The following PTPRR variants were observed in gnomAD, a reference collection of about 807,000 sequenced individuals.
PTPRR encodes the protein protein tyrosine phosphatase receptor type R.
PTPRR carries 38 observed loss-of-function variants against 77.2 expected under a neutral mutation model. The ratio of observed to expected loss-of-function variants is 0.49; its 90% CI spans 0.38 to 0.65. The LOEUF (loss-of-function observed/expected upper bound fraction) is 0.65, where lower values mean the gene tolerates loss of function less well. PTPRR is among the 30% of genes least tolerant of loss of function. The probability of loss-of-function intolerance (pLI) is 0.00; values close to 1 mark genes in which losing one functional copy is unlikely to be tolerated. For missense variants in PTPRR, 744 were observed against 799.2 expected (o/e 0.93, Z 0.83); for synonymous variants, 299 against 283.1 (o/e 1.06, Z -0.57).
At chr12:70,752,557 G>A (rs1890435442) in intron 5 of PTPRR, among the ~76,000 whole-genome samples, 1 of 152,158 alleles carries the variant, frequency 6.6e-6, no homozygotes, top group South Asian at 2.1e-4. Flanking sequence ...TATGTTAATA[G>A]CAAGCTCTGC....
At chr12:70,751,883 G>C (rs1423861641) in intron 5 of PTPRR, among the ~76,000 whole-genome samples, 1 of 150,568 alleles carries the variant, frequency 6.6e-6, no homozygotes, top group Admixed American at 6.6e-5. Flanking sequence ...GTGTAGATTA[G>C]AGCTCATTCT....
intron 1 of PTPRR, among the ~76,000 whole-genome samples, chr12:70,908,675 G>A (rs1028440758): frequency 6.6e-6 from 1 of 152,150 alleles, no homozygotes; most frequent in Non-Finnish European, 1.5e-5. Context: ...CCGTATCAAT[G>A]GGGAAAGAGG....
In PTPRR at chr12:70,688,553, G is replaced by C. The variant is rs1018874243; in HGVS notation, c.1280-3770C>G. Among the ~76,000 whole-genome samples the C allele has an allele frequency of 2.5e-4, 38 of 152,136 alleles. 1 individual carries two copies. The highest frequency in any genetic ancestry group is 2.4e-3 in the Admixed American group (37 of 15,258). Reference sequence around the variant, plus strand: ...AAAGATAAAAGATAAATGTTGGCAAGGTTGTGAAGAAAAGGGAGCTCTGGT... The same window carrying C: ...AAAGATAAAAGATAAATGTTGGCAACGTTGTGAAGAAAAGGGAGCTCTGGT... On this transcript the variant is annotated intron_variant, in intron 8 of 13. Transcript: ENST00000283228.
At chr12:70,702,065 T>C (rs1354675910) in intron 6 of PTPRR, among the ~76,000 whole-genome samples, 1 of 152,148 alleles carries the variant, frequency 6.6e-6, no homozygotes, top group Non-Finnish European at 1.5e-5. Context: ...ATATGTGAAT[T>C]GACACACGAA....
At chr12:70,668,686 A>G (rs1887102901) in intron 10 of PTPRR, among the ~76,000 whole-genome samples, 1 of 152,214 alleles carries the variant, frequency 6.6e-6, no homozygotes, top group Non-Finnish European at 1.5e-5. Flanking sequence ...AGTAAAATTT[A>G]CATATCTATT....
chr12:70,656,964 T>G (rs1231656264), intron 12 of PTPRR, 147 bp from the exon 13 acceptor site: 2 of 489,792 alleles, frequency 4.1e-6, no homozygotes, highest in Non-Finnish European at 7.1e-6. Context: ...CTGTGCTAAG[T>G]GCTTAAAATA....
intron 1 of PTPRR, among the ~76,000 whole-genome samples, chr12:70,912,658 G>T (rs1281921588): frequency 6.6e-6 from 1 of 152,052 alleles, no homozygotes; most frequent in African/African-American, 2.4e-5. Flanking sequence ...AATGAGATTT[G>T]ATTATGAGGA....
At chr12:70,649,749 G>A (rs1288501895) in intron 13 of PTPRR, among the ~76,000 whole-genome samples, 3 of 151,926 alleles carry the variant, frequency 2.0e-5, no homozygotes, top group African/African-American at 7.3e-5. Flanking sequence ...TAATTTTTGT[G>A]TTATTAGTAG....
At chr12:70,864,439 G>A (rs1172752298) in intron 2 of PTPRR, among the ~76,000 whole-genome samples, 1 of 152,112 alleles carries the variant, frequency 6.6e-6, no homozygotes, top group Non-Finnish European at 1.5e-5. Context: ...ATTTTCCAGG[G>A]CCTGTGGGAG....
At chr12:70,678,078 T>C (rs945121362) in intron 10 of PTPRR, among the ~76,000 whole-genome samples, 1 of 152,206 alleles carries the variant, frequency 6.6e-6, no homozygotes, top group Non-Finnish European at 1.5e-5. Context: ...TTGCACTCTG[T>C]CACCCAGGCT....
chr12:70,813,999 A>G (rs146604295), intron 2 of PTPRR, among the ~76,000 whole-genome samples: 2 of 152,324 alleles, frequency 1.3e-5, no homozygotes, highest in Non-Finnish European at 2.9e-5. Context: ...TCCACCAGCC[A>G]GAGTATCAAA....
At chr12:70,712,045 G>A (rs938619717) in intron 6 of PTPRR, among the ~76,000 whole-genome samples, 1 of 152,124 alleles carries the variant, frequency 6.6e-6, no homozygotes, top group Non-Finnish European at 1.5e-5. Flanking sequence ...AATAAACCAG[G>A]ATGACCTTTG....
chr12:70,892,022 A>G (rs1292281963), intron 2 of PTPRR, among the ~76,000 whole-genome samples: 3 of 152,110 alleles, frequency 2.0e-5, no homozygotes, highest in Non-Finnish European at 4.4e-5. Flanking sequence ...TATGTATTTA[A>G]ACTATGATAA....
In PTPRR at chr12:70,740,899, C is replaced by CATAT. The variant is rs57803027; in HGVS notation, c.1007+4915_1007+4918dup. The stretch of plus-strand genomic sequence containing the variant: ...ATTTTAAAGGCACCATTAGAACACA[C>CATAT]ATATATATATATAAATTAAATTTTA... On this transcript the variant is annotated intron_variant, in intron 6 of 13. Coordinates refer to ENST00000283228, the MANE Select transcript of PTPRR (RefSeq NM_002849.4). Among the ~76,000 whole-genome samples the CATAT allele has an allele frequency of 9.3e-4, 141 of 151,742 alleles. 1 individual carries two copies. The highest frequency in any genetic ancestry group is 3.3e-3 in the African/African-American group (138 of 41,430).
intron 6 of PTPRR, among the ~76,000 whole-genome samples, chr12:70,702,517 A>G (rs1477665119): frequency 6.6e-6 from 1 of 152,174 alleles, no homozygotes; most frequent in Admixed American, 6.5e-5. Context: ...TTACTCTGGA[A>G]TGCGACATTA....
intron 2 of PTPRR, among the ~76,000 whole-genome samples, chr12:70,849,603 A>G (rs1892540394): frequency 6.6e-6 from 1 of 152,240 alleles, no homozygotes; most frequent in Admixed American, 6.5e-5. Context: ...TTTTTACATT[A>G]TAATTTACAA....
chr12:70,718,343 G>C (rs1048049222), intron 6 of PTPRR, among the ~76,000 whole-genome samples: 5 of 151,486 alleles, frequency 3.3e-5, no homozygotes, highest in African/African-American at 9.7e-5. Context: ...TCAGCTCACT[G>C]CAATCGCTGC....
At position 70,920,042 on chromosome 12, in the gene PTPRR, G is replaced by A. The variant is rs139929816; in HGVS notation, c.58+291C>T. Among the ~76,000 whole-genome samples, 441 of 152,096 alleles carry A rather than the reference G, an allele frequency of 2.9e-3. 2 individuals are homozygous for A. Among genetic ancestry groups the A allele is most frequent in the African/African-American group, 1.0e-2 (413 of 41,482 alleles). ...GTGCATAGCCTAGAAACAAGAGCAG[G>A]GAATCTAGACGGAGGGGAGGCGAAG... On this transcript the variant is annotated intron_variant, in intron 1 of 13. Transcript: ENST00000283228.
chr12:70,674,243 C>A (rs1050283565), intron 10 of PTPRR, among the ~76,000 whole-genome samples: 2 of 152,080 alleles, frequency 1.3e-5, no homozygotes, highest in African/African-American at 4.8e-5. Context: ...CCTCATCAAT[C>A]CTTTTATCTT....
Sources: gnomAD v4.1 joint callset for allele counts (sites outside exome capture counted in the v4.1 genomes callset) on GRCh38, gnomAD v4.1.1 for gene constraint, MANE v1.5 for transcripts, NCBI Gene and HGNC (gene_info 2026-07-23, HGNC 2026-07-21) for gene names.